Variants in KLHL36 observed in about 807,000 individuals in gnomAD.
KLHL36 encodes the protein kelch like family member 36.
A neutral mutation model predicts 53.3 loss-of-function variants in KLHL36; 35 were observed. The observed-to-expected ratio is 0.66, with a 90% confidence interval of 0.50 to 0.87. KLHL36 has a LOEUF of 0.87. Ranked by LOEUF, KLHL36 falls within the 40% of genes least tolerant of loss-of-function variation. KLHL36 has a pLI of 0.00. For missense variants in KLHL36, 864 were observed against 897.6 expected (o/e 0.96, Z 0.48); for synonymous variants, 472 against 398.9 (o/e 1.18, Z -2.18).
rs1907724957 is a variant in KLHL36, at chr16:84,664,373, C to T, written c.*2240C>T. 6.6e-6 allele frequency: 1 copy of T among 152,248 alleles called. No individual in the cohort carries two copies. The allele number at this position is 152,248 out of a possible 1,614,324, so 9.4% of individuals were successfully genotyped here. On this transcript the variant is annotated 3_prime_UTR_variant, in exon 5 of 5. Coordinates refer to ENST00000564996, the MANE Select transcript of KLHL36 (RefSeq NM_024731.4). ...ATTTGGGGAGTGGGATAGCTTTGAC[C>T]TTGGAGAGAGGAGAGCCATTGGTTT...
In KLHL36 at chr16:84,663,190, A is replaced by C. The variant is rs781667497; in HGVS notation, c.*1057A>C. 1.3e-5 allele frequency: 2 copies of C among 152,230 alleles called. No individual in the cohort carries two copies. The highest frequency in any genetic ancestry group is 2.9e-5 in the Non-Finnish European group (2 of 68,090). 9.4% of individuals were successfully genotyped at this position (152,230 alleles called of 1,614,324 possible). On this transcript the variant is annotated 3_prime_UTR_variant, in exon 5 of 5. Transcript: ENST00000564996. ...GGTCCTGCCCCAGTTTTCTGCTTCT[A>C]AGTAGTTTCGTGCTGCTGGGCAAAT...
rs1374885455 is a variant in KLHL36 at position 84,664,648 on chromosome 16, C to A, written c.*2515C>A. ...AAACAAGTTTCATCTTGTGGGTCAA[C>A]TTCTAATATTTGATGGTGGCTACAC... is the stretch of plus-strand genomic sequence containing the variant. On this transcript the variant is annotated 3_prime_UTR_variant, in exon 5 of 5. Transcript: ENST00000564996. 6.6e-6 allele frequency: 1 copy of A among 152,186 alleles called. No individual in the cohort carries two copies. Among genetic ancestry groups the A allele is most frequent in the Non-Finnish European group, 1.5e-5 (1 of 68,032 alleles). The allele number at this position is 152,186 out of a possible 1,614,324, so 9.4% of individuals were successfully genotyped here.
chr16:84,659,660 G>T, intron 3 of KLHL36, 100 bp from the exon 4 acceptor site: 1 of 1,216,808 alleles, frequency 8.2e-7, no homozygotes, highest in African/African-American at 1.5e-5. Flanking sequence ...ACATTCTCCG[G>T]GGTTGTGCAT....
At chr16:84,659,006 T>TTGTG (rs35873260) in intron 3 of KLHL36, 1 of 151,620 alleles carries the variant, frequency 6.6e-6, no homozygotes, top group Admixed American at 6.6e-5. Flanking sequence ...CTTCTACTTT[T>TTGTG]TGTGTGTGTG....
intron 2 of KLHL36, among the ~76,000 whole-genome samples, chr16:84,653,601 T>C (rs1907029446): frequency 6.6e-6 from 1 of 151,984 alleles, no homozygotes; most frequent in South Asian, 2.1e-4. Context: ...GATATATGTA[T>C]ATATGCCGGG....
intron 2 of KLHL36, among the ~76,000 whole-genome samples, chr16:84,651,506 T>C (rs1906877581): frequency 6.6e-6 from 1 of 152,240 alleles, no homozygotes; most frequent in African/African-American, 2.4e-5. Flanking sequence ...CCGGCTGCTA[T>C]ACTTTCCACA....
At position 84,648,744 on chromosome 16, in the gene KLHL36, G is replaced by A. The variant is rs978450473; in HGVS notation, c.-17+95G>A. 1.4e-5 allele frequency: 2 copies of A among 147,884 alleles called. No homozygotes were observed. Among genetic ancestry groups the A allele is most frequent in the Non-Finnish European group, 3.0e-5 (2 of 66,198 alleles). 9.2% of individuals were successfully genotyped at this position (147,884 alleles called of 1,614,324 possible). ...GCTGGCGGAGATCGGGAGGGTCCCC[G>A]GCCACCGCGAGCCGCGACCCCCCTG... On this transcript the variant is annotated intron_variant, in intron 1 of 4. Transcript: ENST00000564996. The surrounding 1 kb of genome is among the most constrained non-coding windows in gnomAD (Gnocchi z 4.9).
rs1907578112 is a variant in KLHL36 at position 84,661,906 on chromosome 16, G to A, written c.1624G>A (p.Ala542Thr). Residue 542 changes from alanine to threonine, a missense_variant, in exon 5 of 5, where the codon GCA becomes ACA. By Grantham distance (58) the Ala-to-Thr change is moderately conservative. Coordinates refer to ENST00000564996, the MANE Select transcript of KLHL36 (RefSeq NM_024731.4). This position sits in a 1 kb window ranked among gnomAD's most constrained non-coding sequence, Gnocchi z 7.9. The part of the protein sequence containing the change: ...LLHANSESGV[A>T]VWEGRIYILG... ...GCACGCCAACAGCGAGTCGGGCGTG[G>A]CAGTGTGGGAGGGCCGCATCTACAT... The A allele has an allele frequency of 6.3e-7, 1 of 1,599,174 alleles. No homozygotes were observed. Among genetic ancestry groups the A allele is most frequent in the South Asian group, 1.1e-5 (1 of 90,234 alleles).
rs775887923 is a variant in KLHL36, at chr16:84,663,798, G to A, written c.*1665G>A. 7.2e-5 allele frequency: 11 copies of A among 152,118 alleles called. No individual in the cohort carries two copies. Among genetic ancestry groups the A allele is most frequent in the Non-Finnish European group, 1.5e-4 (10 of 68,030 alleles). 9.4% of individuals were successfully genotyped at this position (152,118 alleles called of 1,614,324 possible). On this transcript the variant is annotated 3_prime_UTR_variant, in exon 5 of 5. Coordinates refer to ENST00000564996, the MANE Select transcript of KLHL36 (RefSeq NM_024731.4). ...TCCCTTCCCTTCAGGGTTTACTGTG[G>A]TTCTCACTGGTCTGTTTATGTAGCC...
rs1307362631 is a variant in KLHL36, at chr16:84,659,747, C to T, written c.1138-13C>T. ...TTCGGGGAAGGGAAGGTACAGGTATCTCAACTCCACAGGTGGCCTCCATGA... is the reference window on the plus strand; with the variant it reads ...TTCGGGGAAGGGAAGGTACAGGTATTTCAACTCCACAGGTGGCCTCCATGA... On this transcript the variant is annotated splice_polypyrimidine_tract_variant and intron_variant, in intron 3 of 4. Coordinates refer to ENST00000564996, the MANE Select transcript of KLHL36 (RefSeq NM_024731.4). The T allele has an allele frequency of 1.2e-6, 2 of 1,613,332 alleles. No homozygotes were observed. The highest frequency in any genetic ancestry group is 1.7e-6 in the Non-Finnish European group (2 of 1,179,416).
At chr16:84,651,802 A>T (rs973721524) in intron 2 of KLHL36, among the ~76,000 whole-genome samples, 4 of 152,170 alleles carry the variant, frequency 2.6e-5, no homozygotes, top group Non-Finnish European at 4.4e-5. Flanking sequence ...CATACAGTGC[A>T]TCTGTGATGT....
chr16:84,659,409 T>G (rs562599908), intron 3 of KLHL36: 1 of 228,102 alleles, frequency 4.4e-6, no homozygotes, highest in South Asian at 7.5e-5. Flanking sequence ...AAGATGAATT[T>G]TTATTTCATA....
chr16:84,664,434 G>A lies in KLHL36; in HGVS notation c.*2301G>A, dbSNP rs1329015692. 1 of 152,094 alleles carries A rather than the reference G, an allele frequency of 6.6e-6. No individual in the cohort carries two copies. Among genetic ancestry groups the A allele is most frequent in the African/African-American group, 2.4e-5 (1 of 41,394 alleles). 9.4% of individuals were successfully genotyped at this position (152,094 alleles called of 1,614,324 possible). A position where few individuals can be genotyped will look rare whatever the true frequency, so the allele number is the denominator to read the frequency against. On this transcript the variant is annotated 3_prime_UTR_variant, in exon 5 of 5. Coordinates refer to ENST00000564996, the MANE Select transcript of KLHL36 (RefSeq NM_024731.4). ...CCAGCTCTTTTATGTTTTGCTTCTG[G>A]GACTTGTCCCTGGAAATGTGTGAGC... is the stretch of plus-strand genomic sequence containing the variant.
At chr16:84,652,165 T>C (rs148353901) in intron 2 of KLHL36, among the ~76,000 whole-genome samples, 2 of 152,352 alleles carry the variant, frequency 1.3e-5, no homozygotes, top group Admixed American at 1.3e-4. Flanking sequence ...CTTTCTAAGT[T>C]TGACAGCACT....
chr16:84,654,593 GTTTTGTTTTGT>G (rs1484426762), intron 2 of KLHL36, among the ~76,000 whole-genome samples: 2 of 29,316 alleles, frequency 6.8e-5, no homozygotes, highest in Non-Finnish European at 1.5e-4. Flanking sequence ...GTTTTGTTTT[GTTTTGTTTTGT>G]TTTGTTTTGT....
intron 3 of KLHL36, chr16:84,659,478 A>G (rs11149671): frequency 0.3 from 112,746 of 373,928 alleles, 17,536 homozygotes; most frequent in Non-Finnish European, 0.33. Context: ...CCACGCGGCT[A>G]ACGACATGAC....
chr16:84,662,627 T>G lies in KLHL36; in HGVS notation c.*494T>G, dbSNP rs146974798. The G allele has an allele frequency of 6.5e-6, 1 of 154,032 alleles. No individual in the cohort carries two copies. Among genetic ancestry groups the G allele is most frequent in the East Asian group, 1.9e-4 (1 of 5,224 alleles). The allele number at this position is 154,032 out of a possible 1,614,324, so 9.5% of individuals were successfully genotyped here. On this transcript the variant is annotated 3_prime_UTR_variant, in exon 5 of 5. Coordinates refer to ENST00000564996, the MANE Select transcript of KLHL36 (RefSeq NM_024731.4). The stretch of plus-strand genomic sequence containing the variant: ...TGGTGCCCAGAAGCTGTATTTTAAC[T>G]AGTTCTTGGAATTCTGGGTATTAGT...
intron 2 of KLHL36, among the ~76,000 whole-genome samples, chr16:84,654,578 GTTTTGTTTT>G (rs1907092339): frequency 1.3e-3 from 1 of 762 alleles, no homozygotes; most frequent in Admixed American, 0.017. Context: ...CTTGAGACTA[GTTTTGTTTT>G]GTTTTGTTTT....
At chr16:84,653,396 T>A (rs1347750378) in intron 2 of KLHL36, among the ~76,000 whole-genome samples, 1 of 152,150 alleles carries the variant, frequency 6.6e-6, no homozygotes, top group African/African-American at 2.4e-5. Flanking sequence ...ACTCATATCA[T>A]CAGAGAATGC....
Sources: gnomAD v4.1 joint callset for allele counts (sites outside exome capture counted in the v4.1 genomes callset) on GRCh38, gnomAD v4.1.1 for gene constraint, Gnocchi (gnomAD v3.1) non-coding constraint, MANE v1.5 for transcripts, NCBI Gene and HGNC (gene_info 2026-07-23, HGNC 2026-07-21) for gene names.